The following TAFA5 variants were observed in gnomAD, a reference collection of about 807,000 sequenced individuals.
TAFA5 encodes chemokine-like protein TAFA-5.
A neutral mutation model predicts 15.3 loss-of-function variants in TAFA5; 6 were observed. The ratio of observed to expected loss-of-function variants is 0.39; its 90% confidence interval spans 0.21 to 0.77. The LOEUF is 0.77. Ranked by LOEUF, TAFA5 falls within the 30% of genes least tolerant of loss-of-function variation. The pLI, the probability that TAFA5 is intolerant of heterozygous loss-of-function variation, is 0.41. For missense variants in TAFA5, 161 were observed against 193.1 expected (o/e 0.83, Z 0.98); for synonymous variants, 103 against 80.7 (o/e 1.28, Z -1.48).
At chr22:48,600,792 T>C (rs1471509744) in intron 1 of TAFA5, among the ~76,000 whole-genome samples, 1 of 152,188 alleles carries the variant, frequency 6.6e-6, no homozygotes, top group Non-Finnish European at 1.5e-5. Context: ...CGTCCCTTTG[T>C]CCATCAGACT....
rs192945558 is a variant in TAFA5, at chr22:48,742,492, C to T, written c.391-7347C>T. On this transcript the variant is annotated intron_variant, in intron 3 of 3. Coordinates refer to ENST00000402357, the MANE Select transcript of TAFA5 (RefSeq NM_001082967.3). The surrounding 1 kb of genome is among the most constrained non-coding windows in gnomAD (Gnocchi z 6.2). ...GGAGCTGGCGGCGCAGTGGAGCGGG[C>T]GTTGTGGTGGACCCGGTGGCGTGGC... 1.2e-4 allele frequency among the ~76,000 whole-genome samples: 19 copies of T among 152,212 alleles called. No homozygotes were observed. The highest frequency in any genetic ancestry group is 1.9e-4 in the Non-Finnish European group (13 of 68,018).
At chr22:48,513,219 T>C (rs1921287238) in intron 1 of TAFA5, among the ~76,000 whole-genome samples, 1 of 152,214 alleles carries the variant, frequency 6.6e-6, no homozygotes, top group Non-Finnish European at 1.5e-5. Flanking sequence ...TCCGCATTGG[T>C]GATAAGAGCT....
At chr22:48,737,826 G>A (rs112373772) in intron 3 of TAFA5, among the ~76,000 whole-genome samples, 2,558 of 152,274 alleles carry the variant, frequency 0.017, 70 homozygotes, top group African/African-American at 0.057. Context: ...CAGGGAGGGC[G>A]GCTTCCACCT....
intron 2 of TAFA5, among the ~76,000 whole-genome samples, chr22:48,689,486 G>A (rs1928470796): frequency 6.6e-6 from 1 of 152,192 alleles, no homozygotes; most frequent in South Asian, 2.1e-4. Context: ...ACAGGGTCGG[G>A]TTCTGACGCC....
At chr22:48,739,821 C>T (rs1930129082) in intron 3 of TAFA5, among the ~76,000 whole-genome samples, 1 of 152,158 alleles carries the variant, frequency 6.6e-6, no homozygotes, top group Non-Finnish European at 1.5e-5. Context: ...TCAGAGCTGA[C>T]AGCGCCTCCC....
chr22:48,725,186 T>A (rs973072641), intron 3 of TAFA5, among the ~76,000 whole-genome samples: 1 of 152,022 alleles, frequency 6.6e-6, no homozygotes, highest in Admixed American at 6.5e-5. Flanking sequence ...CATCCCGGAG[T>A]GGGCAGGGCT....
chr22:48,626,618 A>G (rs141748032), intron 1 of TAFA5, among the ~76,000 whole-genome samples: 65 of 152,324 alleles, frequency 4.3e-4, no homozygotes, highest in African/African-American at 1.4e-3. Context: ...TGCAAATAAC[A>G]TCTCTCTGTC....
intron 1 of TAFA5, among the ~76,000 whole-genome samples, chr22:48,499,769 C>T (rs771785451): frequency 2.0e-5 from 3 of 152,232 alleles, no homozygotes; most frequent in South Asian, 2.1e-4. Context: ...TTTCCAGGGC[C>T]GTCTTCCTCC....
At chr22:48,497,312 C>G (rs943266740) in intron 1 of TAFA5, among the ~76,000 whole-genome samples, 1 of 152,202 alleles carries the variant, frequency 6.6e-6, no homozygotes, top group African/African-American at 2.4e-5. Context: ...CAGGGTTCTT[C>G]CATCTTCAGG....
chr22:48,638,445 C>T (rs1192585965), intron 1 of TAFA5, among the ~76,000 whole-genome samples: 5 of 90,460 alleles, frequency 5.5e-5, no homozygotes, highest in Admixed American at 1.2e-4. Flanking sequence ...CAGCACCCCT[C>T]CCCCGACACT....
chr22:48,708,825 C>T (rs887354361), intron 3 of TAFA5, among the ~76,000 whole-genome samples: 2 of 152,220 alleles, frequency 1.3e-5, no homozygotes, highest in Non-Finnish European at 2.9e-5. Context: ...GAGGGGGCTG[C>T]AGCTCCTCAC....
intron 1 of TAFA5, among the ~76,000 whole-genome samples, chr22:48,583,397 C>T (rs979185566): frequency 6.6e-6 from 1 of 150,814 alleles, no homozygotes; most frequent in Non-Finnish European, 1.5e-5. Context: ...ATACACCACA[C>T]ACCACACACA....
At chr22:48,568,908 G>A (rs934991327) in intron 1 of TAFA5, among the ~76,000 whole-genome samples, 1 of 152,226 alleles carries the variant, frequency 6.6e-6, no homozygotes, top group Admixed American at 6.5e-5. Context: ...GATGAGGACA[G>A]AGCATCCTTT....
At chr22:48,611,257 A>G (rs1925398959) in intron 1 of TAFA5, among the ~76,000 whole-genome samples, 1 of 152,218 alleles carries the variant, frequency 6.6e-6, no homozygotes. Context: ...CTTTGAAAAC[A>G]CAGCTAGCGG....
At chr22:48,664,840 G>A (rs931975268) in intron 2 of TAFA5, among the ~76,000 whole-genome samples, 12 of 152,168 alleles carry the variant, frequency 7.9e-5, no homozygotes, top group Non-Finnish European at 1.5e-4. Flanking sequence ...CTGTGCCAAG[G>A]ACGGTAGACG....
rs374157047 is a variant in TAFA5 at position 48,718,589 on chromosome 22, G to A, written c.390+10745G>A. On this transcript the variant is annotated intron_variant, in intron 3 of 3. Coordinates refer to ENST00000402357, the MANE Select transcript of TAFA5 (RefSeq NM_001082967.3). ...CCAGAGCACTCCCCAGAGTACCAGAGCATCTCTGGTACTCCCCAGAGCACA... is the reference window on the plus strand; with the variant it reads ...CCAGAGCACTCCCCAGAGTACCAGAACATCTCTGGTACTCCCCAGAGCACA... 1.6e-3 allele frequency among the ~76,000 whole-genome samples: 236 copies of A among 152,090 alleles called. 1 individual carries two copies. The highest frequency in any genetic ancestry group is 5.5e-3 in the African/African-American group (226 of 41,440).
chr22:48,673,628 G>A (rs1354197882), intron 2 of TAFA5, among the ~76,000 whole-genome samples: 1 of 152,224 alleles, frequency 6.6e-6, no homozygotes. Flanking sequence ...GCCTGGCTGT[G>A]TACTGTGTGT....
intron 2 of TAFA5, among the ~76,000 whole-genome samples, chr22:48,697,341 TGATGATGATGATGATGATAATGATGAC>T (rs1928742714): frequency 8.0e-6 from 1 of 124,582 alleles, no homozygotes; most frequent in Non-Finnish European, 1.8e-5. Context: ...GTGACAGTGG[TGATGATGATGATGATGATAATGATGAC>T]GATGATGATG....
chr22:48,716,074 C>A (rs1348598374), intron 3 of TAFA5, among the ~76,000 whole-genome samples: 1 of 152,172 alleles, frequency 6.6e-6, no homozygotes, highest in South Asian at 2.1e-4. Context: ...AGTGTTATTT[C>A]TGAGGCCTCT....
Sources: allele counts gnomAD v4.1 joint callset (sites outside exome capture counted in the v4.1 genomes callset), GRCh38; gene constraint gnomAD v4.1.1; non-coding constraint Gnocchi (gnomAD v3.1); transcripts MANE v1.5; gene names NCBI Gene and HGNC (gene_info 2026-07-23, HGNC 2026-07-21).